Variants in NALF1 observed in about 807,000 individuals in gnomAD.
NALF1 encodes family with sequence similarity 155 member A.
NALF1 carries 3 observed loss-of-function variants against 48.4 expected under a neutral mutation model. The ratio of observed to expected loss-of-function variants is 0.06; its 90% CI spans 0.03 to 0.16. The LOEUF (loss-of-function observed/expected upper bound fraction) is 0.16. NALF1 is among the 10% of genes least tolerant of loss of function. The pLI is 1.00. For synonymous variants in NALF1, 262 were observed against 245.7 expected, an observed-to-expected ratio of 1.07 and a Z score of -0.62; for missense variants, 526 against 571.5, an observed-to-expected ratio of 0.92 and a Z score of 0.81.
At chr13:107,262,805 A>G (rs140333373) in intron 1 of NALF1, among the ~76,000 whole-genome samples, 1,717 of 118,120 alleles carry the variant, frequency 0.015, 26 homozygotes, top group African/African-American at 0.057. Context: ...TCTCATTCTT[A>G]AGCAACATCA....
At chr13:107,390,157 G>C (rs1041526397) in intron 1 of NALF1, among the ~76,000 whole-genome samples, 5 of 151,990 alleles carry the variant, frequency 3.3e-5, no homozygotes, top group African/African-American at 9.7e-5. Context: ...ATCGCTTGAA[G>C]CCAGGAGTTT....
chr13:107,518,646 A>G (rs1016976999), intron 1 of NALF1, among the ~76,000 whole-genome samples: 1 of 152,184 alleles, frequency 6.6e-6, no homozygotes, highest in Non-Finnish European at 1.5e-5. Flanking sequence ...GTAGATACAC[A>G]TAAACATGAT....
chr13:107,227,364 A>C (rs1405243793), intron 1 of NALF1, among the ~76,000 whole-genome samples: 1 of 152,228 alleles, frequency 6.6e-6, no homozygotes, highest in Non-Finnish European at 1.5e-5. Flanking sequence ...TGATTACTCC[A>C]AGCTGCCACA....
Position 107,338,901 on chromosome 13 carries a change from G to A in NALF1, c.916-128146C>T, listed in dbSNP as rs553677020. Among the ~76,000 whole-genome samples the A allele has an allele frequency of 3.4e-3, 517 of 152,184 alleles. 6 individuals carry two copies. The highest frequency in any genetic ancestry group is 0.012 in the African/African-American group (480 of 41,522). ...TAATCCCAGTACTTTGGGAGGCTGA[G>A]GTGGGCGGATCACGAGGTCAGGAGG... On this transcript the variant is annotated intron_variant, in intron 1 of 2. Transcript: ENST00000375915.
intron 1 of NALF1, among the ~76,000 whole-genome samples, chr13:107,524,128 T>C (rs1025284407): frequency 1.3e-5 from 2 of 152,186 alleles, no homozygotes; most frequent in Non-Finnish European, 2.9e-5. Context: ...GGGCAGGCCA[T>C]AGAAACTTTG....
intron 1 of NALF1, among the ~76,000 whole-genome samples, chr13:107,472,807 C>G (rs867271515): frequency 6.6e-6 from 1 of 152,120 alleles, no homozygotes; most frequent in Non-Finnish European, 1.5e-5. Context: ...AGCTTGCACA[C>G]GGCCTATTGT....
intron 1 of NALF1, among the ~76,000 whole-genome samples, chr13:107,412,024 G>A (rs1053966001): frequency 2.6e-5 from 4 of 152,142 alleles, no homozygotes; most frequent in African/African-American, 9.7e-5. Flanking sequence ...CCACTGGCAT[G>A]ATCTGATTTG....
At chr13:107,822,974 G>A (rs1302828167) in intron 1 of NALF1, among the ~76,000 whole-genome samples, 1 of 152,144 alleles carries the variant, frequency 6.6e-6, no homozygotes, top group Admixed American at 6.5e-5. Flanking sequence ...TTTGCCAGTA[G>A]CCATAAAAAA....
At chr13:107,419,037 T>C (rs1884140494) in intron 1 of NALF1, among the ~76,000 whole-genome samples, 1 of 152,158 alleles carries the variant, frequency 6.6e-6, no homozygotes, top group Non-Finnish European at 1.5e-5. Flanking sequence ...TAAACAAATA[T>C]AAATAAATAA....
At chr13:107,384,974 ATC>A (rs1339293960) in intron 1 of NALF1, among the ~76,000 whole-genome samples, 1 of 152,136 alleles carries the variant, frequency 6.6e-6, no homozygotes, top group Non-Finnish European at 1.5e-5. Context: ...TTCCCTGTAA[ATC>A]TGTTTCTCCA....
intron 1 of NALF1, among the ~76,000 whole-genome samples, chr13:107,700,811 G>A (rs937401559): frequency 5.3e-5 from 8 of 151,902 alleles, no homozygotes; most frequent in African/African-American, 7.2e-5. Flanking sequence ...CAAAAAAACC[G>A]ATTTAAACAT....
chr13:107,858,087 A>G (rs988795551), intron 1 of NALF1, among the ~76,000 whole-genome samples: 1 of 152,204 alleles, frequency 6.6e-6, no homozygotes, highest in African/African-American at 2.4e-5. Context: ...TCTGATCTTC[A>G]CATTATTCAT....
intron 1 of NALF1, among the ~76,000 whole-genome samples, chr13:107,697,739 T>C (rs1881731246): frequency 6.6e-6 from 1 of 152,176 alleles, no homozygotes; most frequent in Non-Finnish European, 1.5e-5. Context: ...AGTATTAACA[T>C]TGAAGTCGCA....
intron 1 of NALF1, among the ~76,000 whole-genome samples, chr13:107,774,756 G>A (rs906684664): frequency 8.5e-5 from 13 of 152,080 alleles, no homozygotes; most frequent in African/African-American, 2.4e-4. Context: ...CGGAGTCTCT[G>A]GGAATGGATC....
chr13:107,757,354 G>T (rs2138557990), intron 1 of NALF1, among the ~76,000 whole-genome samples: 1 of 150,482 alleles, frequency 6.6e-6, no homozygotes, highest in South Asian at 2.1e-4. Context: ...CAATTTTGGA[G>T]AAATGAAGAG....
intron 1 of NALF1, among the ~76,000 whole-genome samples, chr13:107,489,855 AAT>A (rs1229246442): frequency 6.6e-6 from 1 of 152,242 alleles, no homozygotes. Flanking sequence ...ACAAAGGTCT[AAT>A]ATCCAGCATC....
intron 1 of NALF1, among the ~76,000 whole-genome samples, chr13:107,706,310 C>T (rs1275591707): frequency 6.6e-6 from 1 of 152,184 alleles, no homozygotes; most frequent in Non-Finnish European, 1.5e-5. Flanking sequence ...CTATAAATTT[C>T]ATCTTTTATC....
At chr13:107,678,884 G>A (rs571696433) in intron 1 of NALF1, among the ~76,000 whole-genome samples, 99 of 152,274 alleles carry the variant, frequency 6.5e-4, no homozygotes, top group African/African-American at 2.2e-3. Flanking sequence ...GGGGATTATG[G>A]GGATAATGGG....
chr13:107,647,827 C>T (rs1159701074), intron 1 of NALF1, among the ~76,000 whole-genome samples: 3 of 151,958 alleles, frequency 2.0e-5, no homozygotes, highest in Non-Finnish European at 4.4e-5. Context: ...AATTTTAAGC[C>T]ATTGAGCTTC....
Sources: allele counts gnomAD v4.1 joint callset (sites outside exome capture counted in the v4.1 genomes callset), GRCh38; gene constraint gnomAD v4.1.1; transcripts MANE v1.5; gene names NCBI Gene and HGNC (gene_info 2026-07-23, HGNC 2026-07-21).